PARD3: variants seen among roughly 807,000 people sequenced by gnomAD.
PARD3 encodes par-3 family cell polarity regulator.
PARD3 carries 75 observed loss-of-function variants against 155.4 expected under a neutral mutation model. The ratio of observed to expected loss-of-function variants is 0.48; its 90% CI spans 0.40 to 0.58. The LOEUF (loss-of-function observed/expected upper bound fraction) is 0.58, where lower values mean the gene tolerates loss of function less well. Ranked by LOEUF, PARD3 falls within the 20% of genes least tolerant of loss-of-function variation. The pLI, the probability that PARD3 is intolerant of heterozygous loss-of-function variation, is 0.00. For synonymous variants in PARD3, 576 were observed against 610.5 expected (o/e 0.94, Z 0.83); for missense variants, 1,642 against 1,721.7 (o/e 0.95, Z 0.82).
In PARD3 at chr10:34,650,964, T is replaced by C. The variant is rs1374183717; in HGVS notation, c.222+45354A>G. On this transcript the variant is annotated intron_variant, in intron 2 of 24. Transcript: ENST00000374788. Reference sequence around the variant, plus strand: ...AGGCAGAGGTTGTGGTGAGCCGAGATTGTGCCATTGCACTCCAGACTGGGC... The same window carrying C: ...AGGCAGAGGTTGTGGTGAGCCGAGACTGTGCCATTGCACTCCAGACTGGGC... Among the ~76,000 whole-genome samples the C allele has an allele frequency of 2.9e-5, 4 of 135,902 alleles. No homozygotes were observed. In the East Asian group the frequency reaches 6.5e-4, roughly 22 times the overall value. 89.2% of individuals were successfully genotyped at this position (135,902 alleles called of 152,430 possible). A position where few individuals can be genotyped will look rare whatever the true frequency, so the allele number is the denominator to read the frequency against.
Position 34,317,223 on chromosome 10 carries a change from A to G in PARD3, c.2949T>C (p.Asp983=), listed in dbSNP as rs371542428. The stretch of plus-strand genomic sequence containing the variant: ...TTTTATCCTTTTTTCTATCAGTCTT[A>G]TCACCTTTCTCTTGGTTTCCATTCA... ...RQMNGNQEKG[D]KTDRKKDKTG... The change falls in exon 20 of 25, where the codon GAT becomes GAC. Residue 983 remains aspartate, a synonymous_variant. Transcript: ENST00000374788. 1.2e-6 allele frequency: 2 copies of G among 1,613,526 alleles called. No homozygotes were observed. The highest frequency in any genetic ancestry group is 1.7e-6 in the Non-Finnish European group (2 of 1,179,956).
chr10:34,131,252 TA>T (rs1947595508), intron 23 of PARD3, among the ~76,000 whole-genome samples: 1 of 152,182 alleles, frequency 6.6e-6, no homozygotes, highest in African/African-American at 2.4e-5. Context: ...TGAAACCTAT[TA>T]GGCAATGGAC....
chr10:34,363,833 C>T (rs1839697264), intron 12 of PARD3, among the ~76,000 whole-genome samples: 1 of 152,210 alleles, frequency 6.6e-6, no homozygotes, highest in South Asian at 2.1e-4. Flanking sequence ...TTTTCAGCAA[C>T]AAAGCCTGTC....
At chr10:34,556,354 G>A (rs982101782) in intron 2 of PARD3, among the ~76,000 whole-genome samples, 3 of 151,254 alleles carry the variant, frequency 2.0e-5, no homozygotes, top group African/African-American at 7.3e-5. Flanking sequence ...ACACAACTGC[G>A]CTACCACCCT....
intron 22 of PARD3, among the ~76,000 whole-genome samples, chr10:34,188,315 G>A (rs946470711): frequency 2.6e-5 from 4 of 152,156 alleles, no homozygotes; most frequent in African/African-American, 9.7e-5. Flanking sequence ...AGAATCACTT[G>A]CAATTACTTC....
chr10:34,381,888 G>T (rs1288153199), intron 9 of PARD3, among the ~76,000 whole-genome samples: 1 of 119,080 alleles, frequency 8.4e-6, no homozygotes, highest in African/African-American at 3.6e-5. Flanking sequence ...ACTGTAGCCT[G>T]GGCAACAAAG....
chr10:34,295,545 C>T lies in PARD3; in HGVS notation c.3066-11300G>A, dbSNP rs906857045. Among the ~76,000 whole-genome samples the T allele has an allele frequency of 7.2e-5, 11 of 152,238 alleles. No homozygotes were observed. The South Asian group carries it at 8.3e-4, about 11-fold the overall frequency. ...GGAAGCAGATCCTGTTTATCCAAGA[C>T]GGAATCCTGGAACTGAAGGCAATGC... On this transcript the variant is annotated intron_variant, in intron 20 of 24. Transcript: ENST00000374788.
intron 19 of PARD3, among the ~76,000 whole-genome samples, chr10:34,326,692 C>G (rs1835067056): frequency 6.6e-6 from 1 of 152,122 alleles, no homozygotes; most frequent in Admixed American, 6.5e-5. Flanking sequence ...TAACAAAATT[C>G]CCCTAGAAGC....
intron 5 of PARD3, among the ~76,000 whole-genome samples, chr10:34,441,827 A>C (rs2076479517): frequency 6.6e-6 from 1 of 152,172 alleles, no homozygotes; most frequent in Non-Finnish European, 1.5e-5. Context: ...AATACCAGGG[A>C]TTCTATTATC....
intron 2 of PARD3, among the ~76,000 whole-genome samples, chr10:34,623,909 A>G (rs2091840272): frequency 6.6e-6 from 1 of 150,658 alleles, no homozygotes; most frequent in African/African-American, 2.5e-5. Flanking sequence ...TGAATCTGGG[A>G]GGCAGAGGTT....
intron 22 of PARD3, among the ~76,000 whole-genome samples, chr10:34,264,522 A>T (rs1246533064): frequency 6.6e-6 from 1 of 152,202 alleles, no homozygotes; most frequent in African/African-American, 2.4e-5. Context: ...CCAGACTGCT[A>T]TCCTCTTCCT....
At chr10:34,686,978 G>A (rs1003832700) in intron 2 of PARD3, among the ~76,000 whole-genome samples, 8 of 152,092 alleles carry the variant, frequency 5.3e-5, no homozygotes, top group African/African-American at 9.7e-5. Context: ...GAACCCAAGA[G>A]GCAGAGGTTT....
intron 22 of PARD3, among the ~76,000 whole-genome samples, chr10:34,193,408 A>G (rs1341480797): frequency 6.6e-6 from 1 of 152,184 alleles, no homozygotes; most frequent in Non-Finnish European, 1.5e-5. Flanking sequence ...TACTATTTGT[A>G]TACACAAAGA....
intron 22 of PARD3, among the ~76,000 whole-genome samples, chr10:34,249,526 C>T (rs1954163556): frequency 6.6e-6 from 1 of 152,128 alleles, no homozygotes; most frequent in South Asian, 2.1e-4. Flanking sequence ...TTCTCATTGC[C>T]AGCATCAGCC....
At chr10:34,741,174 A>ATTTTTTTTTTTTTTTTTTT (rs71033345) in intron 1 of PARD3, among the ~76,000 whole-genome samples, 4 of 114,282 alleles carry the variant, frequency 3.5e-5, no homozygotes, top group East Asian at 2.9e-4. Flanking sequence ...CGTAAACCAA[A>ATTTTTTTTTTTTTTTTTTT]TTTTTTTTTT....
At chr10:34,401,511 G>T (rs1843879405) in intron 6 of PARD3, among the ~76,000 whole-genome samples, 1 of 152,062 alleles carries the variant, frequency 6.6e-6, no homozygotes. Context: ...AAAGCAATCT[G>T]AAAAGAGTTA....
intron 14 of PARD3, among the ~76,000 whole-genome samples, chr10:34,358,650 A>G (rs1320787393): frequency 2.6e-5 from 4 of 152,176 alleles, no homozygotes; most frequent in Non-Finnish European, 5.9e-5. Flanking sequence ...CTGTGACCAC[A>G]ACACTGAACT....
chr10:34,608,534 C>CT (rs71299715), intron 2 of PARD3, among the ~76,000 whole-genome samples: 37,674 of 125,188 alleles, frequency 0.3, 6,273 homozygotes, highest in South Asian at 0.4. Context: ...AAAAAGAATA[C>CT]TTTTTTTTTT....
intron 1 of PARD3, among the ~76,000 whole-genome samples, chr10:34,739,866 T>C (rs2094977261): frequency 6.6e-6 from 1 of 152,218 alleles, no homozygotes. Context: ...TAGAATGTTT[T>C]CTGAAGCTTG....
Sources: allele counts gnomAD v4.1 joint callset (sites outside exome capture counted in the v4.1 genomes callset), GRCh38; gene constraint gnomAD v4.1.1; transcripts MANE v1.5; gene names NCBI Gene and HGNC (gene_info 2026-07-23, HGNC 2026-07-21).